The following TOX2 variants were observed in gnomAD, a reference collection of about 807,000 sequenced individuals.
The protein encoded by TOX2 is TOX high mobility group box family member 2.
Under a neutral mutation model 47.4 loss-of-function variants are expected in TOX2, and 15 were observed. That is an observed-to-expected ratio of 0.32 (90% CI 0.21 to 0.49). The LOEUF is 0.49. TOX2 is among the 20% of genes least tolerant of loss of function. The probability of loss-of-function intolerance (pLI) is 0.99; values close to 1 mark genes in which losing one functional copy is unlikely to be tolerated. For synonymous variants in TOX2, 290 were observed against 296.6 expected, an observed-to-expected ratio of 0.98 and a Z score of 0.23; for missense variants, 622 against 673.1, an observed-to-expected ratio of 0.92 and a Z score of 0.84.
At chr20:43,998,720 CATCTATCTATCTATCTATCT>C (rs34142021) in intron 2 of TOX2, among the ~76,000 whole-genome samples, 2,040 of 60,924 alleles carry the variant, frequency 0.033, 22 homozygotes, top group Admixed American at 0.048. Context: ...TGGCCTGATA[CATCTATCTATCTATCTATCT>C]ATCTATCTAT....
At chr20:43,967,523 C>T (rs918528231) in intron 1 of TOX2, among the ~76,000 whole-genome samples, 6 of 152,118 alleles carry the variant, frequency 3.9e-5, no homozygotes, top group Non-Finnish European at 8.8e-5. Flanking sequence ...ACACCCATCT[C>T]ACCCATCCAT....
intron 1 of TOX2, among the ~76,000 whole-genome samples, chr20:43,960,035 C>T (rs184507220): frequency 1.1e-3 from 166 of 152,286 alleles, no homozygotes; most frequent in African/African-American, 3.7e-3. Context: ...GCTACATAAC[C>T]TCCCTCGACC....
At chr20:43,964,942 T>C (rs1274427865) in intron 1 of TOX2, among the ~76,000 whole-genome samples, 1 of 152,156 alleles carries the variant, frequency 6.6e-6, no homozygotes, top group African/African-American at 2.4e-5. Flanking sequence ...TCAGGATGCT[T>C]CTCTGGAAAG....
At chr20:43,987,817 G>C (rs1040643373) in intron 2 of TOX2, among the ~76,000 whole-genome samples, 3 of 152,116 alleles carry the variant, frequency 2.0e-5, no homozygotes, top group African/African-American at 4.8e-5. Flanking sequence ...CAGGTGGCAC[G>C]GGCTTCCCCA....
intron 3 of TOX2, among the ~76,000 whole-genome samples, chr20:44,034,427 T>C (rs927862348): frequency 6.6e-6 from 1 of 152,134 alleles, no homozygotes; most frequent in African/African-American, 2.4e-5. Context: ...GTCTCAGACA[T>C]AAGAATCCTC....
chr20:43,967,965 A>G (rs534171566), intron 1 of TOX2, among the ~76,000 whole-genome samples: 4 of 152,218 alleles, frequency 2.6e-5, no homozygotes, highest in Non-Finnish European at 5.9e-5. Context: ...CATGTACCCC[A>G]TAAAAAAAAC....
chr20:43,936,072 G>A (rs74867923), intron 1 of TOX2, among the ~76,000 whole-genome samples: 2,605 of 151,984 alleles, frequency 0.017, 90 homozygotes, highest in African/African-American at 0.06. Flanking sequence ...CCTTTCATGT[G>A]TTCCTCATTG....
intron 2 of TOX2, among the ~76,000 whole-genome samples, chr20:44,004,187 A>T (rs748350368): frequency 2.0e-5 from 3 of 152,180 alleles, no homozygotes; most frequent in Non-Finnish European, 4.4e-5. Context: ...GGACACAGGG[A>T]CACGGCAGGG....
chr20:44,059,799 C>A (rs534107528), intron 5 of TOX2, among the ~76,000 whole-genome samples: 2 of 152,142 alleles, frequency 1.3e-5, no homozygotes, highest in South Asian at 4.1e-4. Context: ...AATGGAATCT[C>A]CTTAAAGCAT....
intron 1 of TOX2, among the ~76,000 whole-genome samples, chr20:43,941,373 C>T (rs2069400541): frequency 6.8e-6 from 1 of 146,922 alleles, no homozygotes; most frequent in Non-Finnish European, 1.5e-5. Flanking sequence ...GCTCTTGTTG[C>T]CCAGGCTGGA....
chr20:44,068,644 T>C lies in TOX2; in HGVS notation c.1485-6T>C. The C allele has an allele frequency of 6.2e-7, 1 of 1,611,640 alleles. No individual in the cohort carries two copies. The highest frequency in any genetic ancestry group is 8.5e-7 in the Non-Finnish European group (1 of 1,178,198). ...CAGCTTTGACAGCCCCTCCTCTCTCTCACAGCCTGCTCCCCAGGGACAAAT... is the reference window on the plus strand; with the variant it reads ...CAGCTTTGACAGCCCCTCCTCTCTCCCACAGCCTGCTCCCCAGGGACAAAT... On this transcript the variant is annotated splice_polypyrimidine_tract_variant and splice_region_variant and intron_variant, in intron 8 of 8. Transcript: ENST00000341197.
chr20:44,033,442 C>G (rs771289983), intron 3 of TOX2, among the ~76,000 whole-genome samples: 7 of 152,090 alleles, frequency 4.6e-5, no homozygotes, highest in Non-Finnish European at 8.8e-5. Context: ...GGGCCTGTAA[C>G]TGTGTTACCT....
rs529841846 is a variant in TOX2, at chr20:44,011,299, T to C, written c.411+4507T>C. ...CAGCTGTGCGACAGCCTTCATTGAG[T>C]GCCCACTAGGTACCAGGCATTGTTC... On this transcript the variant is annotated intron_variant, in intron 3 of 8. Transcript: ENST00000341197. 7.9e-5 allele frequency among the ~76,000 whole-genome samples: 12 copies of C among 152,282 alleles called. No individual in the cohort carries two copies. The East Asian group carries it at 2.1e-3, about 27-fold the overall frequency.
chr20:43,928,544 G>A (rs2069207687), intron 1 of TOX2, among the ~76,000 whole-genome samples: 1 of 152,216 alleles, frequency 6.6e-6, no homozygotes, highest in Non-Finnish European at 1.5e-5. Context: ...ACATCATTGT[G>A]TTTTCTTAAT....
chr20:44,033,465 G>A (rs6103579), intron 3 of TOX2, among the ~76,000 whole-genome samples: 2 of 152,092 alleles, frequency 1.3e-5, no homozygotes, highest in Non-Finnish European at 2.9e-5. Flanking sequence ...TATATCAAAA[G>A]GGGCTTTGCA....
intron 1 of TOX2, among the ~76,000 whole-genome samples, chr20:43,944,028 T>TTG (rs369496171): frequency 1.2e-3 from 182 of 151,906 alleles, no homozygotes; most frequent in African/African-American, 2.8e-3. Flanking sequence ...GCTTACAGCT[T>TTG]TGTGTGTGTG....
At chr20:44,026,078 C>T (rs1056539824) in intron 3 of TOX2, among the ~76,000 whole-genome samples, 18 of 151,752 alleles carry the variant, frequency 1.2e-4, no homozygotes, top group African/African-American at 3.4e-4. Flanking sequence ...TTGCCTTGAA[C>T]GGCTGTACCT....
intron 1 of TOX2, among the ~76,000 whole-genome samples, chr20:43,933,324 G>A (rs956198374): frequency 2.0e-5 from 3 of 152,218 alleles, no homozygotes; most frequent in African/African-American, 7.2e-5. Context: ...TTAATACCCA[G>A]GTTAGTTGGC....
chr20:43,999,261 C>T (rs1490739668), intron 2 of TOX2, among the ~76,000 whole-genome samples: 1 of 152,032 alleles, frequency 6.6e-6, no homozygotes, highest in Non-Finnish European at 1.5e-5. Flanking sequence ...CTCCTGTTTT[C>T]TTTGCAGATT....
Sources: gnomAD v4.1 joint callset for allele counts (sites outside exome capture counted in the v4.1 genomes callset) on GRCh38, gnomAD v4.1.1 for gene constraint, MANE v1.5 for transcripts, NCBI Gene and HGNC (gene_info 2026-07-23, HGNC 2026-07-21) for gene names.